OR3A2: variants seen among roughly 807,000 people sequenced by gnomAD.
OR3A2 encodes olfactory receptor 3A2.
For missense variants in OR3A2, 318 were observed against 392.8 expected, an observed-to-expected ratio of 0.81 and a Z score of 1.61; for synonymous variants, 126 against 159.3, an observed-to-expected ratio of 0.79 and a Z score of 1.57.
intron 3 of OR3A2, among the ~76,000 whole-genome samples, chr17:3,302,132 T>C (rs1371700827): frequency 6.6e-6 from 1 of 152,152 alleles, no homozygotes; most frequent in East Asian, 1.9e-4. Flanking sequence ...TGCTCATGGA[T>C]AGGAAGAATC....
intron 2 of OR3A2, among the ~76,000 whole-genome samples, chr17:3,379,868 A>G (rs2049718112): frequency 6.6e-6 from 1 of 152,164 alleles, no homozygotes; most frequent in Admixed American, 6.5e-5. Context: ...ACTGAGAGGC[A>G]TCTACCTCAG....
At chr17:3,333,015 T>C (rs1198158946) in intron 3 of OR3A2, among the ~76,000 whole-genome samples, 2 of 152,190 alleles carry the variant, frequency 1.3e-5, no homozygotes, top group African/African-American at 4.8e-5. Context: ...GCCTGCAGGA[T>C]TGGGCAGAAT....
chr17:3,305,783 C>G (rs1300242038), intron 3 of OR3A2, among the ~76,000 whole-genome samples: 2 of 152,138 alleles, frequency 1.3e-5, no homozygotes, highest in African/African-American at 4.8e-5. Flanking sequence ...TATTAAATAT[C>G]ATACCTTTTG....
At chr17:3,329,039 C>T (rs972912754) in intron 3 of OR3A2, among the ~76,000 whole-genome samples, 1 of 150,288 alleles carries the variant, frequency 6.7e-6, no homozygotes, top group African/African-American at 2.5e-5. Flanking sequence ...ATTGAACCAG[C>T]CTTGCATCCC....
chr17:3,322,926 T>C (rs921576924), intron 3 of OR3A2, among the ~76,000 whole-genome samples: 1 of 152,156 alleles, frequency 6.6e-6, no homozygotes, highest in Non-Finnish European at 1.5e-5. Context: ...CTGGACATCC[T>C]TGTTAACTTT....
chr17:3,329,561 C>T (rs915256782), intron 3 of OR3A2, among the ~76,000 whole-genome samples: 8 of 120,382 alleles, frequency 6.6e-5, no homozygotes, highest in Admixed American at 2.8e-4. Context: ...GGTGATATCC[C>T]CTTTATCATT....
intron 2 of OR3A2, among the ~76,000 whole-genome samples, chr17:3,355,978 T>C (rs1012478295): frequency 2.0e-5 from 3 of 151,366 alleles, no homozygotes; most frequent in African/African-American, 7.3e-5. Flanking sequence ...GTTTTTGTTT[T>C]TTATATATCC....
chr17:3,344,962 C>G (rs1346273787), intron 2 of OR3A2, among the ~76,000 whole-genome samples: 1 of 152,138 alleles, frequency 6.6e-6, no homozygotes, highest in Non-Finnish European at 1.5e-5. Context: ...CACTTTTGCT[C>G]CATCTCTTAG....
chr17:3,355,421 T>C (rs1419038120), intron 2 of OR3A2, among the ~76,000 whole-genome samples: 1 of 123,562 alleles, frequency 8.1e-6, no homozygotes, highest in African/African-American at 3.3e-5. Flanking sequence ...TATTATCATG[T>C]TGGCATTTCT....
rs930466380 is a variant in OR3A2, at chr17:3,357,241, C to G, written c.-178-21115G>C. On this transcript the variant is annotated intron_variant, in intron 2 of 4. Coordinates refer to the OR3A2 transcript ENST00000573491. ...CATCACATCCTCAGTAGCCTGAAAA[C>G]ACTTATCTAGGGATAAGGTGAGAGC... is the stretch of plus-strand genomic sequence containing the variant. Among the ~76,000 whole-genome samples, 5 of 151,782 alleles carry G rather than the reference C, an allele frequency of 3.3e-5. 1 individual carries two copies. The highest frequency in any genetic ancestry group is 1.2e-4 in the African/African-American group (5 of 41,130).
At chr17:3,298,550 G>A (rs970335581) in intron 3 of OR3A2, among the ~76,000 whole-genome samples, 1 of 152,204 alleles carries the variant, frequency 6.6e-6, no homozygotes, top group African/African-American at 2.4e-5. Context: ...TTGGCAACGT[G>A]CCCTGGCATG....
At chr17:3,302,865 A>AG (rs545102507) in intron 3 of OR3A2, among the ~76,000 whole-genome samples, 445 of 152,322 alleles carry the variant, frequency 2.9e-3, no homozygotes, top group Non-Finnish European at 5.4e-3. Context: ...GCCAGTACTC[A>AG]GTTCGGGCTA....
intron 3 of OR3A2, chr17:3,310,975 C>T (rs1376056434): frequency 5.4e-6 from 3 of 558,538 alleles, no homozygotes; most frequent in Admixed American, 1.9e-5. Context: ...GTGTCCTATG[C>T]CCATGTGGCA....
intron 3 of OR3A2, among the ~76,000 whole-genome samples, chr17:3,293,191 C>CA (rs1251111877): frequency 1.4e-4 from 21 of 146,942 alleles, no homozygotes; most frequent in Admixed American, 2.7e-4. Flanking sequence ...AGGCAATCAA[C>CA]AAAAAACAAA....
At chr17:3,330,843 G>T (rs2049225956) in intron 3 of OR3A2, among the ~76,000 whole-genome samples, 1 of 152,012 alleles carries the variant, frequency 6.6e-6, no homozygotes, top group South Asian at 2.1e-4. Context: ...TTTTGCAGCA[G>T]CTGGTACCGG....
At chr17:3,374,730 G>A (rs780353095) in intron 2 of OR3A2, among the ~76,000 whole-genome samples, 1 of 152,030 alleles carries the variant, frequency 6.6e-6, no homozygotes, top group South Asian at 2.1e-4. Context: ...AGCTCCATAG[G>A]TTATTTGGGA....
intron 2 of OR3A2, among the ~76,000 whole-genome samples, chr17:3,345,071 G>A (rs1195875029): frequency 6.6e-6 from 1 of 152,178 alleles, no homozygotes; most frequent in East Asian, 1.9e-4. Flanking sequence ...GCAAGCAGGG[G>A]AAGATAAGAT....
chr17:3,325,041 C>A (rs2049159033), intron 3 of OR3A2, among the ~76,000 whole-genome samples: 1 of 151,938 alleles, frequency 6.6e-6, no homozygotes, highest in South Asian at 2.1e-4. Flanking sequence ...ATTTCCCCAT[C>A]TCAAGTTCAT....
intron 3 of OR3A2, among the ~76,000 whole-genome samples, chr17:3,314,274 G>A (rs528413413): frequency 1.3e-5 from 2 of 152,300 alleles, no homozygotes; most frequent in South Asian, 2.1e-4. Context: ...ACAGAGAGAA[G>A]TGTAATAATA....
Sources: allele counts gnomAD v4.1 joint callset (sites outside exome capture counted in the v4.1 genomes callset), GRCh38; gene constraint gnomAD v4.1.1; transcripts MANE v1.5; gene names NCBI Gene and HGNC (gene_info 2026-07-23, HGNC 2026-07-21).